ABLIM2: variants seen among roughly 807,000 people sequenced by gnomAD.
ABLIM2 encodes actin binding LIM protein family member 2, also known as actin-binding LIM protein 2.
Under a neutral mutation model 97.7 loss-of-function variants are expected in ABLIM2, and 53 were observed. The observed-to-expected ratio is 0.54, with a 90% CI of 0.44 to 0.68. The LOEUF is 0.68. ABLIM2 is among the 30% of genes least tolerant of loss of function. The pLI is 0.00. For synonymous variants in ABLIM2, 361 were observed against 345.8 expected, an observed-to-expected ratio of 1.04 and a Z score of -0.49; for missense variants, 835 against 867.2, an observed-to-expected ratio of 0.96 and a Z score of 0.47.
chr4:8,145,733 A>T (rs1851675731), intron 1 of ABLIM2, among the ~76,000 whole-genome samples: 1 of 140,190 alleles, frequency 7.1e-6, no homozygotes, highest in Admixed American at 7.8e-5. Flanking sequence ...TTATCCCCAG[A>T]CTACACACTC....
chr4:7,973,540 T>C (rs920051226), intron 20 of ABLIM2, among the ~76,000 whole-genome samples: 9 of 150,596 alleles, frequency 6.0e-5, no homozygotes, highest in Admixed American at 6.0e-4. Context: ...AGCTGAGGTG[T>C]CTGGACCTGA....
chr4:8,116,217 G>T lies in ABLIM2; in HGVS notation c.11-9580C>A, dbSNP rs547859884. Among the ~76,000 whole-genome samples, 3 of 152,312 alleles carry T rather than the reference G, an allele frequency of 2.0e-5. 1 individual carries two copies. In the South Asian group the frequency reaches 6.2e-4, roughly 32 times the overall value. ...ACTGAGGCTTGGGGTGGTTTGTTAG[G>T]CAGCCATTGAAAACCAGAATGCCAC... On this transcript the variant is annotated intron_variant, in intron 1 of 20. Transcript: ENST00000447017.
In ABLIM2 at chr4:8,046,502, C is replaced by T. The variant is rs1186946316; in HGVS notation, c.823-1261G>A. Among the ~76,000 whole-genome samples the T allele has an allele frequency of 6.6e-6, 1 of 152,200 alleles. No individual in the cohort carries two copies. The highest frequency in any genetic ancestry group is 1.5e-5 in the Non-Finnish European group (1 of 68,038). On this transcript the variant is annotated intron_variant, in intron 8 of 20. Transcript: ENST00000447017. This position sits in a 1 kb window ranked among gnomAD's most constrained non-coding sequence, Gnocchi z 4.4. The stretch of plus-strand genomic sequence containing the variant: ...AGCCAAGAGCTCAGCCCTCACTCTC[C>T]CCACGGCCCCCACGTCCTCTGCTGC...
Position 8,158,722 on chromosome 4 carries a change from C to A in ABLIM2, c.-33G>T, listed in dbSNP as rs1716253502. The A allele has an allele frequency of 3.5e-6, 5 of 1,433,458 alleles. No individual in the cohort carries two copies. In the African/African-American group the frequency reaches 5.9e-5, roughly 17 times the overall value. The allele number at this position is 1,433,458 out of a possible 1,614,324, so 88.8% of individuals were successfully genotyped here. On this transcript the variant is annotated 5_prime_UTR_variant, in exon 1 of 21. Transcript: ENST00000447017. Reference sequence around the variant, plus strand: ...GCCGCTCGGAGTCGGGGCGGCCCGGCGCTGCGACAGCCAGACCCTCGGGCC... The same window carrying A: ...GCCGCTCGGAGTCGGGGCGGCCCGGAGCTGCGACAGCCAGACCCTCGGGCC...
Position 8,132,831 on chromosome 4 carries a change from C to T in ABLIM2, c.10+25849G>A, listed in dbSNP as rs1849620842. ...TGCAGGGAGACTAAATGAGATGATG[C>T]CTCTGAAAGTGTCCAGCCCCTACCC... On this transcript the variant is annotated intron_variant, in intron 1 of 20. Coordinates refer to ENST00000447017, the MANE Select transcript of ABLIM2 (RefSeq NM_001130083.2). The surrounding 1 kb of genome is among the most constrained non-coding windows in gnomAD (Gnocchi z 8.0). Among the ~76,000 whole-genome samples, 1 of 152,158 alleles carries T rather than the reference C, an allele frequency of 6.6e-6. No individual in the cohort carries two copies. Among genetic ancestry groups the T allele is most frequent in the African/African-American group, 2.4e-5 (1 of 41,434 alleles).
intron 9 of ABLIM2, among the ~76,000 whole-genome samples, chr4:8,036,846 A>AAC (rs1350376312): frequency 2.6e-5 from 4 of 151,178 alleles, no homozygotes; most frequent in Non-Finnish European, 5.9e-5. Context: ...CACACATGCA[A>AAC]ACACACACAC....
chr4:8,140,108 T>TG lies in ABLIM2; in HGVS notation c.10+18571dup, dbSNP rs1265048011. The stretch of plus-strand genomic sequence containing the variant: ...CACACACTAGGGCCTGTCAGAGGGG[T>TG]GGGGGGAGGGAGAGCATCAGGATAA... On this transcript the variant is annotated intron_variant, in intron 1 of 20. Transcript: ENST00000447017. This position sits in a 1 kb window ranked among gnomAD's most constrained non-coding sequence, Gnocchi z 5.9. Among the ~76,000 whole-genome samples, 1 of 60,742 alleles carries TG rather than the reference T, an allele frequency of 1.6e-5. No individual in the cohort carries two copies. Among genetic ancestry groups the TG allele is most frequent in the African/African-American group, 6.4e-5 (1 of 15,730 alleles). The allele number at this position is 60,742 out of a possible 152,430, so 39.8% of individuals were successfully genotyped here.
At chr4:8,091,831 AATAAT>A (rs1348574208) in intron 3 of ABLIM2, among the ~76,000 whole-genome samples, 123 of 96,800 alleles carry the variant, frequency 1.3e-3, no homozygotes, top group African/African-American at 3.6e-3. Context: ...ATATTATATA[AATAAT>A]ATAATATATT....
chr4:8,024,388 G>T (rs776889019), intron 12 of ABLIM2, among the ~76,000 whole-genome samples: 2 of 152,152 alleles, frequency 1.3e-5, no homozygotes, highest in Admixed American at 6.5e-5. Flanking sequence ...TGTGCCGGGG[G>T]TGAGGCCCTG....
At chr4:8,091,440 T>A (rs1488626895) in intron 3 of ABLIM2, among the ~76,000 whole-genome samples, 5 of 18,854 alleles carry the variant, frequency 2.7e-4, no homozygotes, top group Non-Finnish European at 6.9e-4. Context: ...TATAATTAAT[T>A]ATGTATTATA....
At chr4:8,008,327 A>T (rs117354412) in intron 15 of ABLIM2, 127 bp from the exon 16 acceptor site, 5 of 871,032 alleles carry the variant, frequency 5.7e-6, no homozygotes, top group Non-Finnish European at 8.8e-6. Context: ...AGAAAACTCA[A>T]TATGTGAGAG....
rs1428197297 is a variant in ABLIM2, at chr4:8,106,292, C to T, written c.154+202G>A. Among the ~76,000 whole-genome samples, 3 of 152,208 alleles carry T rather than the reference C, an allele frequency of 2.0e-5. No homozygotes were observed. In the East Asian group the frequency reaches 5.8e-4, roughly 29 times the overall value. ...TGGACCCTCATCCCCTGACCCTCCC[C>T]AATCTGGTGATTTCTCCATCACATC... is the stretch of plus-strand genomic sequence containing the variant. On this transcript the variant is annotated intron_variant, in intron 2 of 20. Transcript: ENST00000447017.
At position 8,087,431 on chromosome 4, in the gene ABLIM2, T is replaced by C. The variant is rs1824410675; in HGVS notation, c.454+738A>G. On this transcript the variant is annotated intron_variant, in intron 4 of 20. Coordinates refer to ENST00000447017, the MANE Select transcript of ABLIM2 (RefSeq NM_001130083.2). The surrounding 1 kb of genome is among the most constrained non-coding windows in gnomAD (Gnocchi z 4.6). The stretch of plus-strand genomic sequence containing the variant: ...CCTGCTTCCTAATTCAGGAAGCATC[T>C]TGAGCCCCCACTGCATACACACCTG... Among the ~76,000 whole-genome samples, 1 of 152,172 alleles carries C rather than the reference T, an allele frequency of 6.6e-6. No homozygotes were observed. The highest frequency in any genetic ancestry group is 2.4e-5 in the African/African-American group (1 of 41,448).
chr4:8,147,812 G>C lies in ABLIM2; in HGVS notation c.10+10868C>G, dbSNP rs1361730020. ...GCCTTCTCTTGCTTTAAGCCTCCCA[G>C]CTTGTGGTCACTGGTGACCGCAGCC... On this transcript the variant is annotated intron_variant, in intron 1 of 20. Coordinates refer to ENST00000447017, the MANE Select transcript of ABLIM2 (RefSeq NM_001130083.2). This position sits in a 1 kb window ranked among gnomAD's most constrained non-coding sequence, Gnocchi z 5.3. Among the ~76,000 whole-genome samples, 1 of 152,232 alleles carries C rather than the reference G, an allele frequency of 6.6e-6. No individual in the cohort carries two copies. Among genetic ancestry groups the C allele is most frequent in the Non-Finnish European group, 1.5e-5 (1 of 68,048 alleles).
chr4:8,129,053 C>G (rs1848969097), intron 1 of ABLIM2, among the ~76,000 whole-genome samples: 1 of 152,114 alleles, frequency 6.6e-6, no homozygotes, highest in Non-Finnish European at 1.5e-5. Flanking sequence ...AACTGGGCTG[C>G]CAGCACCCCC....
intron 10 of ABLIM2, among the ~76,000 whole-genome samples, chr4:8,031,826 G>A (rs1251264909): frequency 6.6e-6 from 1 of 151,700 alleles, no homozygotes; most frequent in Non-Finnish European, 1.5e-5. Flanking sequence ...CCGGGTTCAA[G>A]CGATTCTCCT....
At chr4:8,037,284 A>G (rs1785082051) in intron 9 of ABLIM2, among the ~76,000 whole-genome samples, 1 of 151,914 alleles carries the variant, frequency 6.6e-6, no homozygotes, top group Admixed American at 6.6e-5. Flanking sequence ...GCACACACAT[A>G]CGCACACATG....
In ABLIM2 at chr4:8,095,135, G is replaced by C. The variant is rs1291739427; in HGVS notation, c.338+1964C>G. 7.0e-6 allele frequency among the ~76,000 whole-genome samples: 1 copy of C among 142,528 alleles called. No homozygotes were observed. Among genetic ancestry groups the C allele is most frequent in the Admixed American group, 7.4e-5 (1 of 13,550 alleles). The allele number at this position is 142,528 out of a possible 152,430, so 93.5% of individuals were successfully genotyped here. On this transcript the variant is annotated intron_variant, in intron 3 of 20. Transcript: ENST00000447017. The surrounding 1 kb of genome is among the most constrained non-coding windows in gnomAD (Gnocchi z 4.7). ...CTTTCTTTTCTTTCTACAGGGTCTT[G>C]CTCTGTTACCCAGGCTGGAGAGCAG...
Position 8,020,538 on chromosome 4 carries a change from A to G in ABLIM2, c.1268-235T>C, listed in dbSNP as rs1290023313. The G allele has an allele frequency of 9.6e-6, 6 of 622,330 alleles. No individual in the cohort carries two copies. The East Asian group carries it at 1.7e-4, about 18-fold the overall frequency. 38.6% of individuals were successfully genotyped at this position (622,330 alleles called of 1,614,324 possible). On this transcript the variant is annotated intron_variant, in intron 12 of 20. Coordinates refer to ENST00000447017, the MANE Select transcript of ABLIM2 (RefSeq NM_001130083.2). The stretch of plus-strand genomic sequence containing the variant: ...TCTGTCCAGAGTCCCAAGGCAGAGG[A>G]GCGACATTGCTGAGGGCAGAGGGCT...
Sources: gnomAD v4.1 joint callset for allele counts (sites outside exome capture counted in the v4.1 genomes callset) on GRCh38, gnomAD v4.1.1 for gene constraint, Gnocchi (gnomAD v3.1) non-coding constraint, MANE v1.5 for transcripts, NCBI Gene and HGNC (gene_info 2026-07-23, HGNC 2026-07-21) for gene names.